Variants in DROSHA observed in about 807,000 individuals in gnomAD.
DROSHA encodes the protein drosha ribonuclease III, also known as ribonuclease 3.
DROSHA carries 56 observed loss-of-function variants against 181.9 expected under a neutral mutation model. The ratio of observed to expected loss-of-function variants is 0.31; its 90% CI spans 0.25 to 0.38. DROSHA has a LOEUF of 0.38. Ranked by LOEUF, DROSHA falls within the 10% of genes least tolerant of loss-of-function variation. The pLI is 1.00. For synonymous variants in DROSHA, 524 were observed against 591.2 expected (o/e 0.89, Z 1.65); for missense variants, 1,218 against 1,743.5 (o/e 0.70, Z 5.37).
chr5:31,490,358 T>G (rs1162962185), intron 13 of DROSHA, among the ~76,000 whole-genome samples: 1 of 151,940 alleles, frequency 6.6e-6, no homozygotes, highest in Non-Finnish European at 1.5e-5. Context: ...ATATTTTTAT[T>G]TTTTTGTAGA....
chr5:31,433,845 G>T (rs575957217), intron 25 of DROSHA, among the ~76,000 whole-genome samples: 2 of 152,264 alleles, frequency 1.3e-5, no homozygotes, highest in Admixed American at 6.5e-5. Context: ...AAGCCACCAC[G>T]CCCGGTATTA....
At chr5:31,435,721 A>G in intron 25 of DROSHA, 44 bp downstream of exon 25, 2 of 1,561,290 alleles carry the variant, frequency 1.3e-6, no homozygotes, top group Non-Finnish European at 1.8e-6. Flanking sequence ...ACCGCAGAAG[A>G]GCATGTCAGA....
intron 23 of DROSHA, among the ~76,000 whole-genome samples, chr5:31,447,136 G>C (rs1292724130): frequency 6.6e-6 from 1 of 152,168 alleles, no homozygotes; most frequent in Non-Finnish European, 1.5e-5. Context: ...TAGAGCTGGA[G>C]GCCATTATCC....
chr5:31,463,568 C>T lies in DROSHA; in HGVS notation c.2574+668G>A, dbSNP rs1580181723. On this transcript the variant is annotated intron_variant, in intron 20 of 35. Coordinates refer to ENST00000344624, the MANE Select transcript of DROSHA (RefSeq NM_001382508.1). ...TTTCCTTTACTGTAATTCTCATGGA[C>T]TTCATCCAATATCAATTGTGACAAA... Among the ~76,000 whole-genome samples, 4 of 152,232 alleles carry T rather than the reference C, an allele frequency of 2.6e-5. 1 individual carries two copies. Among genetic ancestry groups the T allele is most frequent in the Admixed American group, 2.6e-4 (4 of 15,280 alleles).
intron 17 of DROSHA, among the ~76,000 whole-genome samples, chr5:31,468,945 G>T (rs983088043): frequency 6.6e-6 from 1 of 152,076 alleles, no homozygotes; most frequent in Non-Finnish European, 1.5e-5. Flanking sequence ...GGTTTCCCTG[G>T]GACAGAGGAA....
chr5:31,499,727 TTC>T (rs1360187635), intron 11 of DROSHA, among the ~76,000 whole-genome samples: 1 of 152,182 alleles, frequency 6.6e-6, no homozygotes, highest in Non-Finnish European at 1.5e-5. Flanking sequence ...CACTCCCAGT[TTC>T]TGATTCAGTG....
chr5:31,527,019 C>A, intron 4 of DROSHA, 107 bp from the exon 5 acceptor site: 1 of 1,057,960 alleles, frequency 9.5e-7, no homozygotes, highest in Non-Finnish European at 1.3e-6. Flanking sequence ...ACTCAAAGAC[C>A]CCCTAGTCAA....
chr5:31,409,421 A>G lies in DROSHA; in HGVS notation c.3668-89T>C, dbSNP rs1741033185. ...GACCTAGACCTTTAAGCAAAATTTT[A>G]GTAATAGTTTCAACTTCCAGGCCCT... On this transcript the variant is annotated intron_variant, in intron 31 of 35. Transcript: ENST00000344624. This position sits in a 1 kb window ranked among gnomAD's most constrained non-coding sequence, Gnocchi z 4.0. 8.1e-7 allele frequency: 1 copy of G among 1,230,942 alleles called. No individual in the cohort carries two copies. Among genetic ancestry groups the G allele is most frequent in the African/African-American group, 1.5e-5 (1 of 65,102 alleles). The allele number at this position is 1,230,942 out of a possible 1,614,324, so 76.3% of individuals were successfully genotyped here. A position where few individuals can be genotyped will look rare whatever the true frequency, so the allele number is the denominator to read the frequency against.
intron 21 of DROSHA, among the ~76,000 whole-genome samples, chr5:31,449,972 TAAC>T (rs953232092): frequency 1.3e-5 from 2 of 151,400 alleles, no homozygotes; most frequent in Admixed American, 1.3e-4. Context: ...GAAAAAATAA[TAAC>T]AATAATAATC....
In DROSHA at chr5:31,526,062, A is replaced by G. The variant is rs1740507107; in HGVS notation, c.854+17T>C. The G allele has an allele frequency of 6.4e-7, 1 of 1,556,766 alleles. No homozygotes were observed. Among genetic ancestry groups the G allele is most frequent in the Non-Finnish European group, 8.7e-7 (1 of 1,145,976 alleles). ...GGCCTCTGCAGTTCATTAAAGAACT[A>G]CACACAAGCGGTTTACCTGCTCCGT... On this transcript the variant is annotated intron_variant, in intron 5 of 35. Coordinates refer to ENST00000344624, the MANE Select transcript of DROSHA (RefSeq NM_001382508.1).
At chr5:31,405,843 G>A in intron 34 of DROSHA, 120 bp from the exon 35 acceptor site, 1 of 860,354 alleles carries the variant, frequency 1.2e-6, no homozygotes, top group Non-Finnish European at 1.7e-6. Context: ...TTCACGTTCA[G>A]TGCATAAAAT....
intron 35 of DROSHA, 84 bp from the exon 36 acceptor site, chr5:31,401,646 C>T: frequency 2.2e-6 from 2 of 906,190 alleles, no homozygotes; most frequent in Non-Finnish European, 2.8e-6. Context: ...AACATATACA[C>T]ATACAAATAT....
chr5:31,421,970 G>A (rs1742789957), intron 29 of DROSHA: 1 of 134,662 alleles, frequency 7.4e-6, no homozygotes, highest in Non-Finnish European at 1.5e-5. Flanking sequence ...CACGCCTATA[G>A]TCCCCAGCTA....
At position 31,410,968 on chromosome 5, in the gene DROSHA, T is replaced by A. The variant is rs543713936; in HGVS notation, c.3526-81A>T. The A allele has an allele frequency of 5.7e-5, 89 of 1,567,564 alleles. 2 individuals are homozygous for A. Among genetic ancestry groups the A allele is most frequent in the South Asian group, 2.8e-4 (23 of 82,712 alleles). On this transcript the variant is annotated intron_variant, in intron 30 of 35. Transcript: ENST00000344624. The stretch of plus-strand genomic sequence containing the variant: ...ATTCCTGGGTTGGACCCAACTAGCC[T>A]GAGAGGCTGTCACTGACAGGGACAC...
intron 14 of DROSHA, among the ~76,000 whole-genome samples, chr5:31,486,130 G>A (rs1007793622): frequency 1.3e-5 from 2 of 152,138 alleles, no homozygotes; most frequent in Admixed American, 6.5e-5. Context: ...TGGAGATAAC[G>A]AATAAGATTA....
Position 31,514,228 on chromosome 5 carries a change from AACAC to A in DROSHA, c.1290+756_1290+759del, listed in dbSNP as rs68049196. 5.9e-3 allele frequency among the ~76,000 whole-genome samples: 879 copies of A among 148,160 alleles called. 4 individuals are homozygous for A. Among genetic ancestry groups the A allele is most frequent in the African/African-American group, 0.01 (418 of 40,094 alleles). ...CTTCCTTATTTTTCATTTTGGAGAA[AACAC>A]ACACACACACACACACACACACACA... On this transcript the variant is annotated intron_variant, in intron 8 of 35. Coordinates refer to ENST00000344624, the MANE Select transcript of DROSHA (RefSeq NM_001382508.1). This position sits in a 1 kb window ranked among gnomAD's most constrained non-coding sequence, Gnocchi z 4.4.
intron 11 of DROSHA, among the ~76,000 whole-genome samples, chr5:31,502,981 G>T (rs926866710): frequency 6.6e-5 from 10 of 152,142 alleles, no homozygotes; most frequent in Non-Finnish European, 1.5e-4. Context: ...GAAGAAAAAA[G>T]ATTGGAAGAT....
chr5:31,511,972 A>C (rs1284944482), intron 8 of DROSHA, among the ~76,000 whole-genome samples: 2 of 151,572 alleles, frequency 1.3e-5, no homozygotes, highest in Non-Finnish European at 2.9e-5. Context: ...AAACACGAGG[A>C]CATAAACATG....
chr5:31,508,734 T>C lies in DROSHA; in HGVS notation c.1474A>G (p.Thr492Ala). ...TCAGAGTCTGAGCTGCTAGAACAGG[T>C]GCTGTCCTCATCAGACTCACACTCG... ...ESECESDEDS[T>A]CSSSSDSEVF... The change falls in exon 10 of 36, where the codon ACC (threonine) becomes GCC (alanine). Residue 492 changes from threonine to alanine, a missense_variant. Around this residue, in one of 8 missense-constraint regions of DROSHA, gnomAD observed 460 missense variants for 774.2 expected, o/e 0.59. Transcript: ENST00000344624. The C allele has an allele frequency of 6.2e-7, 1 of 1,613,806 alleles. No individual in the cohort carries two copies. The highest frequency in any genetic ancestry group is 8.5e-7 in the Non-Finnish European group (1 of 1,179,846).
Sources: allele counts gnomAD v4.1 joint callset (sites outside exome capture counted in the v4.1 genomes callset), GRCh38; gene constraint gnomAD v4.1.1; regional missense constraint gnomAD v4.1.1; non-coding constraint Gnocchi (gnomAD v3.1); transcripts MANE v1.5; gene names NCBI Gene and HGNC (gene_info 2026-07-23, HGNC 2026-07-21).